Variants in PPTC7 observed in about 807,000 individuals in gnomAD.
PPTC7 encodes the protein protein phosphatase targeting COQ7.
A neutral mutation model predicts 30.8 loss-of-function variants in PPTC7; 6 were observed. The observed-to-expected ratio is 0.19, with a 90% confidence interval of 0.11 to 0.38. The LOEUF is 0.38. PPTC7 is among the 10% of genes least tolerant of loss of function. The pLI is 1.00. For missense variants in PPTC7, 218 were observed against 404.8 expected, an observed-to-expected ratio of 0.54 and a Z score of 3.96; for synonymous variants, 163 against 168.1, an observed-to-expected ratio of 0.97 and a Z score of 0.23.
intron 1 of PPTC7, among the ~76,000 whole-genome samples, chr12:110,557,477 C>T (rs555083495): frequency 1.2e-4 from 19 of 152,152 alleles, no homozygotes; most frequent in Admixed American, 7.2e-4. Context: ...CAGGGTCTCA[C>T]TATGTTGTCC....
At chr12:110,540,814 C>T (rs540211953) in intron 3 of PPTC7, among the ~76,000 whole-genome samples, 10 of 150,264 alleles carry the variant, frequency 6.7e-5, no homozygotes, top group South Asian at 4.2e-4. Context: ...CTCGCTCTGT[C>T]GCCCAGGCTG....
intron 1 of PPTC7, 30 bp from the exon 2 acceptor site, chr12:110,551,998 G>C (rs756819968): frequency 1.6e-5 from 26 of 1,577,312 alleles, no homozygotes; most frequent in Non-Finnish European, 8.7e-7. Flanking sequence ...TACAGTAAAA[G>C]AACAATCTTA....
At position 110,563,660 on chromosome 12, in the gene PPTC7, AAAC is replaced by A. The variant is rs1442501752; in HGVS notation, c.224-11695_224-11693del. Among the ~76,000 whole-genome samples, 26 of 150,226 alleles carry A rather than the reference AAAC, an allele frequency of 1.7e-4. No homozygotes were observed. In the South Asian group the frequency reaches 5.4e-3, roughly 31 times the overall value. ...AAAATGGAAACTATAGGCAAAACTC[AAAC>A]AACAAAATCAAAGCTGTAGTAAGCG... On this transcript the variant is annotated intron_variant, in intron 1 of 5. Transcript: ENST00000354300.
At chr12:110,542,673 C>CAAAAAAAAAAAAAAAAAAAA (rs765332697) in intron 3 of PPTC7, among the ~76,000 whole-genome samples, 2 of 26,796 alleles carry the variant, frequency 7.5e-5, no homozygotes, top group East Asian at 1.5e-3. Context: ...GACTCTGTCT[C>CAAAAAAAAAAAAAAAAAAAA]AAAAAAAAAA....
chr12:110,573,384 A>G (rs2064556255), intron 1 of PPTC7, among the ~76,000 whole-genome samples: 1 of 152,232 alleles, frequency 6.6e-6, no homozygotes, highest in African/African-American at 2.4e-5. Context: ...ATGCAGGAGA[A>G]TATGATGCAG....
At chr12:110,548,726 C>T (rs1195600785) in intron 2 of PPTC7, among the ~76,000 whole-genome samples, 1 of 152,202 alleles carries the variant, frequency 6.6e-6, no homozygotes, top group East Asian at 1.9e-4. Flanking sequence ...CGAAGCCAGG[C>T]TATCCTTTGC....
At chr12:110,555,793 G>T (rs1163936328) in intron 1 of PPTC7, among the ~76,000 whole-genome samples, 2 of 152,116 alleles carry the variant, frequency 1.3e-5, no homozygotes, top group African/African-American at 4.8e-5. Context: ...TATATTAAAA[G>T]AATTTAAGAT....
intron 1 of PPTC7, among the ~76,000 whole-genome samples, chr12:110,582,478 A>AGGGGACGAGGTCGCCCAGGGC (rs1280405827): frequency 1.3e-5 from 2 of 152,106 alleles, no homozygotes; most frequent in Non-Finnish European, 2.9e-5. Flanking sequence ...TCGCCCAGGG[A>AGGGGACGAGGTCGCCCAGGGC]GGGGACGAGG....
At chr12:110,573,839 G>T (rs1008104890) in intron 1 of PPTC7, among the ~76,000 whole-genome samples, 1 of 151,956 alleles carries the variant, frequency 6.6e-6, no homozygotes, top group African/African-American at 2.4e-5. Context: ...AAATTAGTCG[G>T]GTGTGGTGGC....
At chr12:110,556,757 G>A (rs1403490871) in intron 1 of PPTC7, among the ~76,000 whole-genome samples, 1 of 152,158 alleles carries the variant, frequency 6.6e-6, no homozygotes, top group Admixed American at 6.5e-5. Context: ...TGAGAAAGCC[G>A]GTCTCTGAGA....
rs377082561 is a variant in PPTC7 at position 110,540,321 on chromosome 12, C to CCT, written c.603-377_603-376insAG. On this transcript the variant is annotated intron_variant, in intron 3 of 5. Transcript: ENST00000354300. ...ACAGCCGAATTCCATCCCCCCCCGC[C>CCT]TTTTTTTTTTTTTTTTTTGGAGACA... 9.6e-3 allele frequency among the ~76,000 whole-genome samples: 1,007 copies of CCT among 104,990 alleles called. 19 individuals carry two copies. Among genetic ancestry groups the CCT allele is most frequent in the South Asian group, 0.021 (61 of 2,862 alleles). The allele number at this position is 104,990 out of a possible 152,430, so 68.9% of individuals were successfully genotyped here.
chr12:110,572,665 T>A (rs1446451345), intron 1 of PPTC7, among the ~76,000 whole-genome samples: 1 of 152,126 alleles, frequency 6.6e-6, no homozygotes, highest in African/African-American at 2.4e-5. Flanking sequence ...CATTTTGTAG[T>A]CCTTAGGATT....
At chr12:110,564,938 A>C (rs2064470382) in intron 1 of PPTC7, among the ~76,000 whole-genome samples, 1 of 149,178 alleles carries the variant, frequency 6.7e-6, no homozygotes, top group African/African-American at 2.5e-5. Flanking sequence ...GTGATGGCAC[A>C]ATCTTGGCTC....
chr12:110,578,268 T>C (rs567192655), intron 1 of PPTC7, among the ~76,000 whole-genome samples: 116 of 152,302 alleles, frequency 7.6e-4, no homozygotes, highest in Non-Finnish European at 1.5e-3. Flanking sequence ...GCAGTTCTCA[T>C]ATTTTTGTGC....
chr12:110,571,045 A>G lies in PPTC7; in HGVS notation c.223+11764T>C, dbSNP rs1274274755. On this transcript the variant is annotated intron_variant, in intron 1 of 5. Transcript: ENST00000354300. The stretch of plus-strand genomic sequence containing the variant: ...TGGGGCTTTTCTCTAGGGTGAAGGT[A>G]CGCTCGAGCGTGGTCATTGAGGACA... Among the ~76,000 whole-genome samples, 4 of 152,376 alleles carry G rather than the reference A, an allele frequency of 2.6e-5. No individual in the cohort carries two copies. The South Asian group carries it at 6.2e-4, about 24-fold the overall frequency.
chr12:110,541,126 A>G (rs1042504322), intron 3 of PPTC7, among the ~76,000 whole-genome samples: 1 of 151,408 alleles, frequency 6.6e-6, no homozygotes, highest in African/African-American at 2.4e-5. Context: ...TCACGCCTGT[A>G]ATCCCAGCAC....
intron 1 of PPTC7, among the ~76,000 whole-genome samples, chr12:110,573,447 A>C (rs1248348146): frequency 6.6e-6 from 1 of 152,186 alleles, no homozygotes; most frequent in Non-Finnish European, 1.5e-5. Context: ...GGAGTCACAC[A>C]CTATTAAAAA....
rs1030542058 is a variant in PPTC7 at position 110,553,235 on chromosome 12, C to T, written c.224-1267G>A. 4.6e-5 allele frequency among the ~76,000 whole-genome samples: 7 copies of T among 151,580 alleles called. No homozygotes were observed. In the East Asian group the frequency reaches 8.2e-4, roughly 18 times the overall value. The stretch of plus-strand genomic sequence containing the variant: ...TGATCTCGGCTCACCGCAACCTCTC[C>T]GCCTCCTGGGTTCAAGGGATTCTCC... On this transcript the variant is annotated intron_variant, in intron 1 of 5. Transcript: ENST00000354300.
intron 1 of PPTC7, among the ~76,000 whole-genome samples, chr12:110,564,793 A>ATATATATATACACGTATATGTATATGTG (rs2064467434): frequency 1.3e-5 from 2 of 148,568 alleles, no homozygotes; most frequent in African/African-American, 5.0e-5. Flanking sequence ...TACACGTTAT[A>ATATATATATACACGTATATGTATATGTG]TATATATACA....
Sources: gnomAD v4.1 joint callset for allele counts (sites outside exome capture counted in the v4.1 genomes callset) on GRCh38, gnomAD v4.1.1 for gene constraint, MANE v1.5 for transcripts, NCBI Gene and HGNC (gene_info 2026-07-23, HGNC 2026-07-21) for gene names.